The following IGSF3 variants were observed in gnomAD, a reference collection of about 807,000 sequenced individuals.
IGSF3 encodes the protein immunoglobulin superfamily member 3, also known as glu-Trp-Ile EWI motif-containing protein 3.
In IGSF3, 23 loss-of-function variants were observed where a neutral mutation model predicts 114.4. The ratio of observed to expected loss-of-function variants is 0.20; its 90% confidence interval spans 0.14 to 0.28. IGSF3 has a LOEUF of 0.28. Among genes scored for constraint, IGSF3 ranks in the 10% least tolerant of loss-of-function variants. IGSF3 has a pLI of 1.00. For missense variants in IGSF3, 1,172 were observed against 1,591.5 expected, an observed-to-expected ratio of 0.74 and a Z score of 4.48; for synonymous variants, 571 against 645.2, an observed-to-expected ratio of 0.88 and a Z score of 1.74.
Position 116,634,781 on chromosome 1 carries a change from A to G in IGSF3, c.44-18324T>C, listed in dbSNP as rs1451872616. Among the ~76,000 whole-genome samples, 2 of 151,968 alleles carry G rather than the reference A, an allele frequency of 1.3e-5. No homozygotes were observed. The highest frequency in any genetic ancestry group is 2.9e-5 in the Non-Finnish European group (2 of 67,982). On this transcript the variant is annotated intron_variant, in intron 2 of 10. Transcript: ENST00000369486. The surrounding 1 kb of genome is among the most constrained non-coding windows in gnomAD (Gnocchi z 4.2). ...GCTCTGGTAGAAGTGACACTCTGTG[A>G]CCTTAAGGCTAGGTCACAAACAGGG...
intron 2 of IGSF3, among the ~76,000 whole-genome samples, chr1:116,643,866 A>T (rs1648220469): frequency 6.6e-6 from 1 of 152,218 alleles, no homozygotes. Context: ...GAATCAGGGA[A>T]AGGGCAGGAA....
Position 116,662,111 on chromosome 1 carries a change from C to T in IGSF3, c.43+4173G>A, listed in dbSNP as rs891910217. On this transcript the variant is annotated intron_variant, in intron 2 of 10. Transcript: ENST00000369486. The surrounding 1 kb of genome is among the most constrained non-coding windows in gnomAD (Gnocchi z 4.3). ...TTTTGAGACAGAGTTTTGCTCATTG[C>T]CCAGGCTGGAGTGCAACGGCGCGAT... Among the ~76,000 whole-genome samples, 5 of 151,722 alleles carry T rather than the reference C, an allele frequency of 3.3e-5. No individual in the cohort carries two copies. Among genetic ancestry groups the T allele is most frequent in the Non-Finnish European group, 5.9e-5 (4 of 67,950 alleles).
At chr1:116,663,519 C>A (rs1649199346) in intron 2 of IGSF3, among the ~76,000 whole-genome samples, 1 of 151,968 alleles carries the variant, frequency 6.6e-6, no homozygotes, top group Non-Finnish European at 1.5e-5. Flanking sequence ...ACTGCCACCA[C>A]AACCCTTATT....
chr1:116,639,908 C>T (rs956375186), intron 2 of IGSF3, among the ~76,000 whole-genome samples: 3 of 152,002 alleles, frequency 2.0e-5, no homozygotes, highest in Non-Finnish European at 4.4e-5. Context: ...GTGGCAGGCA[C>T]CTGTAACCCC....
chr1:116,603,155 T>C lies in IGSF3; in HGVS notation c.1624+469A>G, dbSNP rs1660662334. On this transcript the variant is annotated intron_variant, in intron 6 of 10. Transcript: ENST00000369486. The surrounding 1 kb of genome is among the most constrained non-coding windows in gnomAD (Gnocchi z 7.1). ...AAATAAATGACAACAGATGATTTTA[T>C]ACCCTTCTCTGCTCTCTTTCAGGAA... Among the ~76,000 whole-genome samples, 1 of 152,230 alleles carries C rather than the reference T, an allele frequency of 6.6e-6. No individual in the cohort carries two copies. The highest frequency in any genetic ancestry group is 6.5e-5 in the Admixed American group (1 of 15,288).
In IGSF3 at chr1:116,654,221, T is replaced by C. The variant is rs1158593204; in HGVS notation, c.43+12063A>G. Among the ~76,000 whole-genome samples, 1 of 152,160 alleles carries C rather than the reference T, an allele frequency of 6.6e-6. No homozygotes were observed. The highest frequency in any genetic ancestry group is 1.5e-5 in the Non-Finnish European group (1 of 68,022). ...AAAGGTCTCTGAGAAGTGCTGCTTG[T>C]AGGGAGAAGAATGGCCCTGCACAGA... On this transcript the variant is annotated intron_variant, in intron 2 of 10. Transcript: ENST00000369486. This position sits in a 1 kb window ranked among gnomAD's most constrained non-coding sequence, Gnocchi z 4.4.
chr1:116,594,335 A>G lies in IGSF3; in HGVS notation c.2030-5231T>C, dbSNP rs995248304. 3.9e-5 allele frequency among the ~76,000 whole-genome samples: 6 copies of G among 152,234 alleles called. No individual in the cohort carries two copies. The highest frequency in any genetic ancestry group is 1.4e-4 in the African/African-American group (6 of 41,474). ...TAGGACAATATAGCAAATTTTAAAG[A>G]TATGATTAGGAATGTTATATTGTAT... On this transcript the variant is annotated intron_variant, in intron 7 of 10. Coordinates refer to ENST00000369486, the MANE Select transcript of IGSF3 (RefSeq NM_001007237.3). This position sits in a 1 kb window ranked among gnomAD's most constrained non-coding sequence, Gnocchi z 5.2.
rs780632163 is a variant in IGSF3 at position 116,666,651 on chromosome 1, G to GAA, written c.-327_-326dup. On this transcript the variant is annotated 5_prime_UTR_variant, in exon 2 of 11. It removes the in-frame stop codon of an upstream open reading frame in the 5' UTR. Transcript: ENST00000369486. ...AGTGGATTAATCCTCCAGAAGCACGGAAAAAAGGGTCTGAGAAAATCCTTT... is the reference window on the plus strand; with the variant it reads ...AGTGGATTAATCCTCCAGAAGCACGGAAAAAAAAGGGTCTGAGAAAATCCTTT... 2.9e-4 allele frequency: 160 copies of GAA among 558,838 alleles called. No homozygotes were observed. The highest frequency in any genetic ancestry group is 4.7e-4 in the Non-Finnish European group (149 of 318,138). The allele number at this position is 558,838 out of a possible 1,614,324, so 34.6% of individuals were successfully genotyped here.
rs1438220012 is a variant in IGSF3 at position 116,648,539 on chromosome 1, A to G, written c.43+17745T>C. Among the ~76,000 whole-genome samples, 1 of 152,214 alleles carries G rather than the reference A, an allele frequency of 6.6e-6. No homozygotes were observed. Among genetic ancestry groups the G allele is most frequent in the Non-Finnish European group, 1.5e-5 (1 of 68,038 alleles). On this transcript the variant is annotated intron_variant, in intron 2 of 10. Transcript: ENST00000369486. The surrounding 1 kb of genome is among the most constrained non-coding windows in gnomAD (Gnocchi z 4.7). ...AGCCAAAGGCCTCCCAGCACTCACA[A>G]GGCCCTTTGCCCTTAGGAAAACACC...
intron 1 of IGSF3, among the ~76,000 whole-genome samples, chr1:116,667,297 C>T (rs1649375671): frequency 6.6e-6 from 1 of 152,208 alleles, no homozygotes; most frequent in African/African-American, 2.4e-5. Flanking sequence ...CGACTCCCGG[C>T]CCCCGCCCCA....
At chr1:116,637,351 T>C (rs1338916956) in intron 2 of IGSF3, among the ~76,000 whole-genome samples, 4 of 152,188 alleles carry the variant, frequency 2.6e-5, no homozygotes, top group African/African-American at 9.7e-5. Context: ...GAGCACATAC[T>C]AGGCCTGGAC....
intron 2 of IGSF3, among the ~76,000 whole-genome samples, chr1:116,626,815 A>G (rs1571170941): frequency 6.6e-6 from 1 of 152,048 alleles, no homozygotes; most frequent in East Asian, 1.9e-4. Context: ...ATTCCCCCTC[A>G]CTCTCATGCG....
intron 2 of IGSF3, among the ~76,000 whole-genome samples, chr1:116,626,728 C>T (rs1647304881): frequency 6.6e-6 from 1 of 152,156 alleles, no homozygotes; most frequent in Non-Finnish European, 1.5e-5. Flanking sequence ...TCCTATCGCT[C>T]ATTTCTTTGA....
chr1:116,577,231 G>A lies in IGSF3; in HGVS notation c.*81C>T. The A allele has an allele frequency of 6.7e-7, 1 of 1,491,058 alleles. No homozygotes were observed. The highest frequency in any genetic ancestry group is 9.1e-7 in the Non-Finnish European group (1 of 1,094,882). 92.4% of individuals were successfully genotyped at this position (1,491,058 alleles called of 1,614,324 possible). On this transcript the variant is annotated 3_prime_UTR_variant, in exon 11 of 11. Coordinates refer to ENST00000369486, the MANE Select transcript of IGSF3 (RefSeq NM_001007237.3). This position sits in a 1 kb window ranked among gnomAD's most constrained non-coding sequence, Gnocchi z 5.7. The stretch of plus-strand genomic sequence containing the variant: ...TCCACACACATGCACCCCAGAGTTT[G>A]GGTGCTGTCAACTGTCCAATCACAG...
intron 7 of IGSF3, among the ~76,000 whole-genome samples, chr1:116,590,078 C>T (rs1660037650): frequency 6.6e-6 from 1 of 151,918 alleles, no homozygotes; most frequent in Non-Finnish European, 1.5e-5. Flanking sequence ...GGAGAGGGGG[C>T]TTCCTCTGGG....
rs1648574647 is a variant in IGSF3, at chr1:116,650,241, T to A, written c.43+16043A>T. Among the ~76,000 whole-genome samples the A allele has an allele frequency of 6.6e-6, 1 of 152,234 alleles. No individual in the cohort carries two copies. Among genetic ancestry groups the A allele is most frequent in the Non-Finnish European group, 1.5e-5 (1 of 68,040 alleles). On this transcript the variant is annotated intron_variant, in intron 2 of 10. Coordinates refer to ENST00000369486, the MANE Select transcript of IGSF3 (RefSeq NM_001007237.3). The surrounding 1 kb of genome is among the most constrained non-coding windows in gnomAD (Gnocchi z 5.0). ...CAGTGAGGACAAAATGTATGGAGAT[T>A]GGACTGTTCAGTCTTCAGGGGCTTG...
rs754835650 is a variant in IGSF3, at chr1:116,616,429, G to A, written c.72C>T (p.Thr24=). The A allele has an allele frequency of 6.9e-6, 11 of 1,602,500 alleles. No homozygotes were observed. Among genetic ancestry groups the A allele is most frequent in the South Asian group, 2.2e-5 (2 of 90,648 alleles). Reference sequence around the variant, plus strand: ...TGCGGTACAAGGGTCCTTCCTGAACGGTGACCTGCCGCTGTGCTGACACCA... The same window carrying A: ...TGCGGTACAAGGGTCCTTCCTGAACAGTGACCTGCCGCTGTGCTGACACCA... The part of the protein sequence containing the change: ...LGVVSAQRQV[T]VQEGPLYRTE... The change falls in exon 3 of 11, where the codon ACC becomes ACT. Residue 24 remains threonine, a synonymous_variant. Coordinates refer to ENST00000369486, the MANE Select transcript of IGSF3 (RefSeq NM_001007237.3). The surrounding 1 kb of genome is among the most constrained non-coding windows in gnomAD (Gnocchi z 6.6).
In IGSF3 at chr1:116,616,184, T is replaced by C; in HGVS notation, c.317A>G (p.His106Arg). ...ERVQGNSTLL[H>R]ITDLQARDAG... ...ATCCCGGGCCTGAAGATCTGTGATGTGCAATAGGGTTGAGTTCCCCTGGAC... is the reference window on the plus strand; with the variant it reads ...ATCCCGGGCCTGAAGATCTGTGATGCGCAATAGGGTTGAGTTCCCCTGGAC... Residue 106 changes from histidine to arginine, a missense_variant, in exon 3 of 11, where the codon CAC becomes CGC. By Grantham distance (29) the His-to-Arg change is conservative. Transcript: ENST00000369486. This position sits in a 1 kb window ranked among gnomAD's most constrained non-coding sequence, Gnocchi z 6.6. 1 of 1,614,032 alleles carries C rather than the reference T, an allele frequency of 6.2e-7. No homozygotes were observed. Among genetic ancestry groups the C allele is most frequent in the South Asian group, 1.1e-5 (1 of 91,078 alleles).
In IGSF3 at chr1:116,614,277, C is replaced by T. The variant is rs1280345421; in HGVS notation, c.422-102G>A. 1.2e-5 allele frequency: 11 copies of T among 896,548 alleles called. No individual in the cohort carries two copies. The highest frequency in any genetic ancestry group is 3.3e-5 in the African/African-American group (2 of 60,556). The allele number at this position is 896,548 out of a possible 1,614,324, so 55.5% of individuals were successfully genotyped here. A position where few individuals can be genotyped will look rare whatever the true frequency, so the allele number is the denominator to read the frequency against. ...CACGCAGGCGTCACTGCACTGCGCC[C>T]CTAACAGTCATCCTTGAACCATCGA... On this transcript the variant is annotated intron_variant, in intron 3 of 10. Transcript: ENST00000369486. The surrounding 1 kb of genome is among the most constrained non-coding windows in gnomAD (Gnocchi z 4.5).
Sources: allele counts gnomAD v4.1 joint callset (sites outside exome capture counted in the v4.1 genomes callset), GRCh38; gene constraint gnomAD v4.1.1; non-coding constraint Gnocchi (gnomAD v3.1); transcripts MANE v1.5; gene names NCBI Gene and HGNC (gene_info 2026-07-23, HGNC 2026-07-21).